RABGEF1: variants seen among roughly 807,000 people sequenced by gnomAD.
RABGEF1 encodes the protein rab5 GDP/GTP exchange factor.
In RABGEF1, 26 loss-of-function variants were observed where a neutral mutation model predicts 57.3. That is an observed-to-expected ratio of 0.45 (90% CI 0.33 to 0.63). The LOEUF is 0.63. RABGEF1 is among the 20% of genes least tolerant of loss of function. RABGEF1 has a pLI of 0.02. For synonymous variants in RABGEF1, 185 were observed against 210.7 expected, an observed-to-expected ratio of 0.88 and a Z score of 1.06; for missense variants, 464 against 607.6, an observed-to-expected ratio of 0.76 and a Z score of 2.48.
intron 1 of RABGEF1, chr7:66,748,811 A>G (rs989828926): frequency 1.1e-5 from 2 of 174,088 alleles, no homozygotes; most frequent in Non-Finnish European, 2.6e-5. Flanking sequence ...CTGATTTTCC[A>G]TTTCTCCAAT....
chr7:66,655,561 G>T, the RABGEF1 span, among the ~76,000 whole-genome samples: 1 of 152,132 alleles, frequency 6.6e-6, no homozygotes, highest in Non-Finnish European at 1.5e-5. Flanking sequence ...TTTGAGATGG[G>T]ATCTCACAAT....
intron 6 of RABGEF1, 88 bp downstream of exon 6, chr7:66,797,594 C>T (rs1318194997): frequency 7.0e-7 from 1 of 1,418,458 alleles, no homozygotes; most frequent in Non-Finnish European, 9.6e-7. Flanking sequence ...GTGTTTCAAA[C>T]CTTAAGGGAA....
intron 1 of RABGEF1, among the ~76,000 whole-genome samples, chr7:66,754,662 A>G (rs1441478795): frequency 6.6e-6 from 1 of 152,206 alleles, no homozygotes; most frequent in African/African-American, 2.4e-5. Flanking sequence ...TTTTAGATAC[A>G]AAAGACTTCT....
At chr7:66,785,398 G>A (rs1177376488) in intron 4 of RABGEF1, among the ~76,000 whole-genome samples, 1 of 152,170 alleles carries the variant, frequency 6.6e-6, no homozygotes, top group Non-Finnish European at 1.5e-5. Context: ...ATATGAAAGA[G>A]ATGTTTTTTA....
chr7:66,751,929 G>T (rs78864116), intron 1 of RABGEF1, among the ~76,000 whole-genome samples: 3,142 of 152,150 alleles, frequency 0.021, 98 homozygotes, highest in African/African-American at 0.072. Flanking sequence ...GGGCACATTG[G>T]CTCACACCTG....
intron 3 of RABGEF1, among the ~76,000 whole-genome samples, chr7:66,783,049 C>T (rs1229630247): frequency 3.3e-5 from 5 of 152,102 alleles, no homozygotes; most frequent in South Asian, 2.1e-4. Context: ...TCTGCCCAGC[C>T]GGTGGGATAG....
At chr7:66,692,933 G>C (rs903571400) in intron 1 of RABGEF1, among the ~76,000 whole-genome samples, 2 of 152,052 alleles carry the variant, frequency 1.3e-5, no homozygotes, top group Non-Finnish European at 2.9e-5. Context: ...AGGATCATGG[G>C]AGTTTCAGGT....
chr7:66,782,810 A>T (rs1387509251), intron 3 of RABGEF1, among the ~76,000 whole-genome samples: 1 of 152,162 alleles, frequency 6.6e-6, no homozygotes, highest in Non-Finnish European at 1.5e-5. Context: ...ACATACTTTT[A>T]AAAAAATTAT....
upstream of RABGEF1, among the ~76,000 whole-genome samples, chr7:66,677,216 C>G (rs1348782107): frequency 6.6e-6 from 1 of 152,072 alleles, no homozygotes; most frequent in African/African-American, 2.4e-5. Context: ...AAAAAGAAAT[C>G]TAACAAACTA....
At chr7:66,805,076 T>A in intron 7 of RABGEF1, 64 bp from the exon 8 acceptor site, 1 of 1,499,846 alleles carries the variant, frequency 6.7e-7, no homozygotes, top group Non-Finnish European at 9.2e-7. Flanking sequence ...AAAACATGAT[T>A]TTCCTATTGC....
At chr7:66,787,336 A>ATT (rs973607816) in intron 4 of RABGEF1, among the ~76,000 whole-genome samples, 65 of 88,104 alleles carry the variant, frequency 7.4e-4, no homozygotes, top group South Asian at 2.1e-3. Flanking sequence ...GCCTGGCCTG[A>ATT]TTTTTTTTTT....
chr7:66,786,508 A>G (rs1811225329), intron 4 of RABGEF1, among the ~76,000 whole-genome samples: 4 of 152,074 alleles, frequency 2.6e-5, no homozygotes, highest in Admixed American at 2.6e-4. Flanking sequence ...GACTCAAGTG[A>G]TCCTCCTGCC....
upstream of RABGEF1, chr7:66,682,110 C>CG (rs566581595): frequency 6.1e-3 from 1,026 of 167,572 alleles, 5 homozygotes; most frequent in Non-Finnish European, 0.01. Flanking sequence ...CTGGCGGTGC[C>CG]GGGGGGGCGG....
the RABGEF1 span, among the ~76,000 whole-genome samples, chr7:66,659,322 G>A: frequency 3.3e-5 from 5 of 151,838 alleles, no homozygotes; most frequent in East Asian, 9.8e-4. Flanking sequence ...CATGGTGGTG[G>A]GTGCCTGTAA....
At chr7:66,699,834 CAGAG>C (rs1360100234) in intron 1 of RABGEF1, among the ~76,000 whole-genome samples, 3 of 152,256 alleles carry the variant, frequency 2.0e-5, no homozygotes, top group South Asian at 2.1e-4. Context: ...ACCTGAGTGA[CAGAG>C]AGAGACCCTG....
At chr7:66,658,573 CGT>C in the RABGEF1 span, among the ~76,000 whole-genome samples, 4 of 148,854 alleles carry the variant, frequency 2.7e-5, no homozygotes, top group Admixed American at 2.7e-4. Context: ...TATGGGTAAA[CGT>C]ATAACTAGTA....
chr7:66,741,187 C>T (rs1368494756), intron 1 of RABGEF1, among the ~76,000 whole-genome samples: 2 of 152,160 alleles, frequency 1.3e-5, no homozygotes, highest in Non-Finnish European at 2.9e-5. Flanking sequence ...TGTGGTCGCA[C>T]GGGGCCCCTC....
the RABGEF1 span, chr7:66,669,856 C>T: frequency 1.3e-5 from 2 of 152,088 alleles, no homozygotes; most frequent in African/African-American, 4.8e-5. Flanking sequence ...TCACCACCCA[C>T]ACCCGGGCCA....
chr7:66,779,939 T>C (rs1312002604), intron 3 of RABGEF1, among the ~76,000 whole-genome samples: 1 of 152,182 alleles, frequency 6.6e-6, no homozygotes, highest in Non-Finnish European at 1.5e-5. Flanking sequence ...TTAGTAGGGA[T>C]TGATTTTTAG....
Sources: gnomAD v4.1 joint callset for allele counts (sites outside exome capture counted in the v4.1 genomes callset) on GRCh38, gnomAD v4.1.1 for gene constraint, MANE v1.5 for transcripts, NCBI Gene and HGNC (gene_info 2026-07-23, HGNC 2026-07-21) for gene names.